PCYT2: variants seen among roughly 807,000 people sequenced by gnomAD.
PCYT2 encodes phosphate cytidylyltransferase 2, ethanolamine, also known as ethanolamine-phosphate cytidylyltransferase.
In PCYT2, 33 loss-of-function variants were observed where a neutral mutation model predicts 50.0. The observed-to-expected ratio is 0.66, with a 90% CI of 0.50 to 0.88. The LOEUF (loss-of-function observed/expected upper bound fraction) is 0.88, where lower values mean the gene tolerates loss of function less well. PCYT2 is among the 40% of genes least tolerant of loss of function. The probability of loss-of-function intolerance (pLI) is 0.00; values close to 1 mark genes in which losing one functional copy is unlikely to be tolerated. For synonymous variants in PCYT2, 240 were observed against 203.7 expected, an observed-to-expected ratio of 1.18 and a Z score of -1.52; for missense variants, 430 against 519.7, an observed-to-expected ratio of 0.83 and a Z score of 1.68.
At chr17:81,907,711 T>C in intron 5 of PCYT2, 62 bp downstream of exon 5, 3 of 1,587,490 alleles carry the variant, frequency 1.9e-6, no homozygotes, top group African/African-American at 1.3e-5. Flanking sequence ...GGCAGGGAGG[T>C]GCCCCTCCTT....
chr17:81,908,739 C>A, intron 3 of PCYT2, 105 bp from the exon 4 acceptor site: 1 of 1,322,244 alleles, frequency 7.6e-7, no homozygotes, highest in Non-Finnish European at 1.1e-6. Flanking sequence ...TCCGCGTGCC[C>A]ATTTCTAGGT....
At chr17:81,909,492 G>A (rs753875198) in intron 2 of PCYT2, 22 bp downstream of exon 2, 4 of 1,595,000 alleles carry the variant, frequency 2.5e-6, no homozygotes, top group Admixed American at 3.3e-5. Context: ...GGCCGCGGGT[G>A]GGCGAGGCCA....
At position 81,909,605 on chromosome 17, in the gene PCYT2, G is replaced by A. The variant is rs751988294; in HGVS notation, c.90-3C>T. ...GGCCGTAATGCACCATGTCATAGCTGTGGAGACAGAGAGAGTGGGTGGTCC... is the reference window on the plus strand; with the variant it reads ...GGCCGTAATGCACCATGTCATAGCTATGGAGACAGAGAGAGTGGGTGGTCC... On this transcript the variant is annotated splice_region_variant and splice_polypyrimidine_tract_variant and intron_variant, in intron 1 of 12. Transcript: ENST00000538936. 6.2e-7 allele frequency: 1 copy of A among 1,612,472 alleles called. No individual in the cohort carries two copies.
chr17:81,906,312 TG>T, intron 8 of PCYT2, 135 bp from the exon 9 acceptor site: 1 of 1,100,028 alleles, frequency 9.1e-7, no homozygotes, highest in Non-Finnish European at 1.3e-6. Flanking sequence ...AGGACAGCCC[TG>T]GACCCCAGAA....
intron 6 of PCYT2, 87 bp from the exon 7 acceptor site, chr17:81,906,985 G>A (rs1265238938): frequency 2.8e-6 from 4 of 1,429,690 alleles, no homozygotes; most frequent in East Asian, 2.3e-5. Context: ...GCTGTCACCT[G>A]CCAGCAATCC....
chr17:81,907,268 A>C, intron 6 of PCYT2: 4 of 1,530,550 alleles, frequency 2.6e-6, no homozygotes, highest in Non-Finnish European at 3.5e-6. Flanking sequence ...CTACAATGGG[A>C]GAGAGGGCCA....
chr17:81,902,376 C>T lies in PCYT2; in HGVS notation c.*2457G>A. ...GGTACAAGCCAGCGGCGGGGCACAG[C>T]TCCTACTCGGTGGGCCGCGCCGCGG... On this transcript the variant is annotated 3_prime_UTR_variant, in exon 13 of 13. Coordinates refer to ENST00000538936, the MANE Select transcript of PCYT2 (RefSeq NM_002861.5). 7.4e-7 allele frequency: 1 copy of T among 1,344,026 alleles called. No homozygotes were observed. The highest frequency in any genetic ancestry group is 9.5e-7 in the Non-Finnish European group (1 of 1,055,106). The allele number at this position is 1,344,026 out of a possible 1,614,324, so 83.3% of individuals were successfully genotyped here.
rs1207272434 is a variant in PCYT2, at chr17:81,901,040, G to A, written c.*3793C>T. The A allele has an allele frequency of 3.3e-5, 5 of 152,220 alleles. No homozygotes were observed. The highest frequency in any genetic ancestry group is 2.0e-4 in the Admixed American group (3 of 15,278). The allele number at this position is 152,220 out of a possible 1,614,324, so 9.4% of individuals were successfully genotyped here. On this transcript the variant is annotated 3_prime_UTR_variant, in exon 13 of 13. Coordinates refer to ENST00000538936, the MANE Select transcript of PCYT2 (RefSeq NM_002861.5). ...AGTCCCACAATAAGCCATGTGCAAG[G>A]TGAGGAGCAAGGAAGCCAGTCTGAG...
intron 4 of PCYT2, 138 bp from the exon 5 acceptor site, chr17:81,907,995 G>C: frequency 1.5e-6 from 1 of 682,430 alleles, no homozygotes; most frequent in South Asian, 1.9e-5. Context: ...TCCCCTTCCT[G>C]TGCAAGGCCA....
At position 81,906,740 on chromosome 17, in the gene PCYT2, A is replaced by T. The variant is rs766396442; in HGVS notation, c.676+20T>A. 6.2e-7 allele frequency: 1 copy of T among 1,611,272 alleles called. No homozygotes were observed. Among genetic ancestry groups the T allele is most frequent in the Non-Finnish European group, 8.5e-7 (1 of 1,178,824 alleles). On this transcript the variant is annotated intron_variant, in intron 7 of 12. Coordinates refer to ENST00000538936, the MANE Select transcript of PCYT2 (RefSeq NM_002861.5). Reference sequence around the variant, plus strand: ...CCCCATGTGGCACATGTAGGGGAGCAGCAGAGGCCCAGAGGATACGGAACA... The same window carrying T: ...CCCCATGTGGCACATGTAGGGGAGCTGCAGAGGCCCAGAGGATACGGAACA...
At position 81,903,105 on chromosome 17, in the gene PCYT2, C is replaced by T. The variant is rs1433616516; in HGVS notation, c.*1728G>A. On this transcript the variant is annotated 3_prime_UTR_variant, in exon 13 of 13. Transcript: ENST00000538936. ...AAGCCGCGCCTAGCCTTGGTGCTCCCTGGGGGAAGTGCAGGGCCACGGCTG... is the reference window on the plus strand; with the variant it reads ...AAGCCGCGCCTAGCCTTGGTGCTCCTTGGGGGAAGTGCAGGGCCACGGCTG... The T allele has an allele frequency of 3.5e-6, 1 of 286,012 alleles. No individual in the cohort carries two copies. The highest frequency in any genetic ancestry group is 2.2e-5 in the African/African-American group (1 of 45,682). 17.7% of individuals were successfully genotyped at this position (286,012 alleles called of 1,614,324 possible).
At chr17:81,907,530 C>T in intron 6 of PCYT2, 24 bp downstream of exon 6, 2 of 1,600,382 alleles carry the variant, frequency 1.2e-6, no homozygotes, top group East Asian at 2.3e-5. Context: ...GCGTGCTCAG[C>T]TCTCCCTGCA....
intron 9 of PCYT2, 120 bp downstream of exon 9, chr17:81,905,980 G>A: frequency 2.3e-6 from 2 of 886,864 alleles, no homozygotes; most frequent in Non-Finnish European, 3.5e-6. Flanking sequence ...AACTCGGGGT[G>A]CTGGGTGCAG....
chr17:81,904,566 G>A lies in PCYT2; in HGVS notation c.*267C>T, dbSNP rs921979962. On this transcript the variant is annotated 3_prime_UTR_variant, in exon 13 of 13. Transcript: ENST00000538936. ...GGACCAGGTGGGGGCGCACGCAGGAGCGGTGCGTTTCAGGCTGCAGGTGCC... is the reference window on the plus strand; with the variant it reads ...GGACCAGGTGGGGGCGCACGCAGGAACGGTGCGTTTCAGGCTGCAGGTGCC... 6 of 462,508 alleles carry A rather than the reference G, an allele frequency of 1.3e-5. No homozygotes were observed. Among genetic ancestry groups the A allele is most frequent in the African/African-American group, 9.8e-5 (5 of 51,172 alleles). 28.7% of individuals were successfully genotyped at this position (462,508 alleles called of 1,614,324 possible). A position where few individuals can be genotyped will look rare whatever the true frequency, so the allele number is the denominator to read the frequency against.
intron 3 of PCYT2, 94 bp downstream of exon 3, chr17:81,908,782 G>A: frequency 7.2e-7 from 1 of 1,386,180 alleles, no homozygotes; most frequent in South Asian, 1.2e-5. Flanking sequence ...TCCTCAAAGG[G>A]CGGAGGCCCC....
At chr17:81,910,816 C>T in intron 1 of PCYT2, 1 of 868,804 alleles carries the variant, frequency 1.2e-6, no homozygotes, top group Non-Finnish European at 1.4e-6. Context: ...GAAGACCGAT[C>T]GCATTCTAGC....
chr17:81,911,366 C>T lies in PCYT2; in HGVS notation c.-11G>A, dbSNP rs1185403992. 1 of 1,047,292 alleles carries T rather than the reference C, an allele frequency of 9.5e-7. No individual in the cohort carries two copies. Among genetic ancestry groups the T allele is most frequent in the Non-Finnish European group, 1.1e-6 (1 of 870,424 alleles). The allele number at this position is 1,047,292 out of a possible 1,614,324, so 64.9% of individuals were successfully genotyped here. A position where few individuals can be genotyped will look rare whatever the true frequency, so the allele number is the denominator to read the frequency against. ...CCCGTTCCGGATCATGGCCCCGCAG[C>T]GGCGGCGCGGACAGCCTGGCAGCTC... On this transcript the variant is annotated 5_prime_UTR_variant, in exon 1 of 13. Transcript: ENST00000538936.
chr17:81,910,023 A>G (rs1402041224), intron 1 of PCYT2, among the ~76,000 whole-genome samples: 1 of 152,212 alleles, frequency 6.6e-6, no homozygotes, highest in Non-Finnish European at 1.5e-5. Context: ...CCTTGAGACA[A>G]GCAAACAGTC....
chr17:81,906,881 G>T lies in PCYT2; in HGVS notation c.555C>A (p.Asn185Lys), dbSNP rs569322551. ...DSFGKCPGGRNPWTGVSQFLQ... is the reference protein window; with the variant it reads ...DSFGKCPGGRKPWTGVSQFLQ... ...GGAACTGGGATACCCCGGTCCAGGG[G>T]TTCCGCCCACCAGGGCACTGCAAGC... The change falls in exon 7 of 13, where the codon AAC (asparagine) becomes AAA (lysine). Residue 185 changes from asparagine to lysine, a missense_variant. By Grantham distance (94) the Asn-to-Lys change is moderately conservative. Coordinates refer to ENST00000538936, the MANE Select transcript of PCYT2 (RefSeq NM_002861.5). The T allele has an allele frequency of 4.5e-5, 72 of 1,613,098 alleles. 1 individual carries two copies. The South Asian group carries it at 7.4e-4, about 16-fold the overall frequency.
Sources: gnomAD v4.1 joint callset for allele counts (sites outside exome capture counted in the v4.1 genomes callset) on GRCh38, gnomAD v4.1.1 for gene constraint, MANE v1.5 for transcripts, NCBI Gene and HGNC (gene_info 2026-07-23, HGNC 2026-07-21) for gene names.